Variants in SPTA1 observed in about 807,000 individuals in gnomAD.
The protein encoded by SPTA1 is spectrin alpha, erythrocytic 1.
Under a neutral mutation model 324.7 loss-of-function variants are expected in SPTA1, and 177 were observed. The ratio of observed to expected loss-of-function variants is 0.55; its 90% CI spans 0.48 to 0.62. SPTA1 has a LOEUF of 0.62. Among genes scored for constraint, SPTA1 ranks in the 20% least tolerant of loss-of-function variants. The pLI is 0.00. For synonymous variants in SPTA1, 1,195 were observed against 1,041.3 expected (o/e 1.15, Z -2.84); for missense variants, 3,162 against 2,883.6 (o/e 1.10, Z -2.21).
intron 39 of SPTA1, among the ~76,000 whole-genome samples, chr1:158,632,397 T>C (rs1650741713): frequency 6.6e-6 from 1 of 152,204 alleles, no homozygotes; most frequent in African/African-American, 2.4e-5. Flanking sequence ...AACAATAATA[T>C]GTTATACACG....
intron 48 of SPTA1, 193 bp downstream of exon 48, chr1:158,615,023 A>T: frequency 1.6e-6 from 1 of 631,622 alleles, no homozygotes; most frequent in Non-Finnish European, 2.7e-6. Context: ...GTGGATGGAG[A>T]GCACTGTCTT....
intron 9 of SPTA1, 51 bp from the exon 10 acceptor site, chr1:158,674,481 T>G (rs753493375): frequency 5.2e-5 from 84 of 1,613,980 alleles, no homozygotes; most frequent in Non-Finnish European, 6.8e-5. Context: ...ACCTGGCATT[T>G]CTGGCATTCA....
At position 158,615,277 on chromosome 1, in the gene SPTA1, C is replaced by T. The variant is rs181147022; in HGVS notation, c.6727G>A (p.Asp2243Asn). Residue 2243 changes from aspartate (D) to asparagine (N), a missense_variant, in exon 48 of 52, where the codon GAC becomes AAC. Asp to Asn is a conservative substitution (Grantham distance 23). Coordinates refer to ENST00000643759, the MANE Select transcript of SPTA1 (RefSeq NM_003126.4). ...YSTIGLAQQW[D>N]QLYQLGLRMQ... ...CGCAACCCAAGCTGGTAGAGCTGGT[C>T]CCACTGCTGAGCCAATCCAATGGTG... 2 of 1,613,956 alleles carry T rather than the reference C, an allele frequency of 1.2e-6. No individual in the cohort carries two copies. Among genetic ancestry groups the T allele is most frequent in the East Asian group, 2.2e-5 (1 of 44,882 alleles).
At chr1:158,635,198 G>T (rs1280793961) in intron 38 of SPTA1, among the ~76,000 whole-genome samples, 1 of 152,118 alleles carries the variant, frequency 6.6e-6, no homozygotes, top group African/African-American at 2.4e-5. Flanking sequence ...ATGTATCAGG[G>T]GAGGGGCCTG....
At position 158,612,859 on chromosome 1, in the gene SPTA1, C is replaced by A; in HGVS notation, c.7092G>T (p.Leu2364=). 2 of 1,613,930 alleles carry A rather than the reference C, an allele frequency of 1.2e-6. No homozygotes were observed. Among genetic ancestry groups the A allele is most frequent in the Non-Finnish European group, 1.7e-6 (2 of 1,179,890 alleles). Residue 2364 remains leucine, a synonymous_variant, in exon 51 of 52, where the codon CTG becomes CTT. Transcript: ENST00000643759. ...TGGTAATATATGACTTGCCCTCTGCCAGGGCTTGGAAGGCATTCTCTATTT... is the reference window on the plus strand; with the variant it reads ...TGGTAATATATGACTTGCCCTCTGCAAGGGCTTGGAAGGCATTCTCTATTT... ...SDEIENAFQA[L]AEGKSYITKE... is the part of the protein sequence containing the mutation.
rs1234264908 is a variant in SPTA1, at chr1:158,635,946, T to C, written c.5399A>G (p.His1800Arg). 7 of 1,614,176 alleles carry C rather than the reference T, an allele frequency of 4.3e-6. No individual in the cohort carries two copies. Among genetic ancestry groups the C allele is most frequent in the Non-Finnish European group, 5.1e-6 (6 of 1,180,038 alleles). Residue 1800 changes from histidine to arginine, a missense_variant, in exon 38 of 52, where the codon CAC (histidine) becomes CGC (arginine). Coordinates refer to ENST00000643759, the MANE Select transcript of SPTA1 (RefSeq NM_003126.4). ...IQLRLAQFVE[H>R]WEKLKELAKA... ...GGCCAACTCTTTGAGCTTCTCCCAGTGTTCAACAAACTGAGCCAGCCGCAA... is the reference window on the plus strand; with the variant it reads ...GGCCAACTCTTTGAGCTTCTCCCAGCGTTCAACAAACTGAGCCAGCCGCAA...
chr1:158,621,529 A>G lies in SPTA1; in HGVS notation c.6121-1063T>C, dbSNP rs11806936. The stretch of plus-strand genomic sequence containing the variant: ...TTTTCATAATGTTATAGATTGAGTG[A>G]ATATTTTATAAATATCTTGTAATCA... On this transcript the variant is annotated intron_variant, in intron 43 of 51. Coordinates refer to ENST00000643759, the MANE Select transcript of SPTA1 (RefSeq NM_003126.4). 9.2e-3 allele frequency among the ~76,000 whole-genome samples: 1,396 copies of G among 152,354 alleles called. 19 individuals carry two copies. The highest frequency in any genetic ancestry group is 0.032 in the African/African-American group (1,319 of 41,582).
Position 158,657,465 on chromosome 1 carries a change from C to G in SPTA1, c.2805+12G>C. On this transcript the variant is annotated intron_variant, in intron 19 of 51. Coordinates refer to ENST00000643759, the MANE Select transcript of SPTA1 (RefSeq NM_003126.4). ...TTGAGGATTCACAATGTTAAACCCACCCCCACCTTACCCCAGCTGCTTCTT... is the reference window on the plus strand; with the variant it reads ...TTGAGGATTCACAATGTTAAACCCAGCCCCACCTTACCCCAGCTGCTTCTT... The G allele has an allele frequency of 3.4e-6, 5 of 1,469,372 alleles. No individual in the cohort carries two copies. The highest frequency in any genetic ancestry group is 4.8e-6 in the Non-Finnish European group (5 of 1,051,096). 91.0% of individuals were successfully genotyped at this position (1,469,372 alleles called of 1,614,324 possible). A position where few individuals can be genotyped will look rare whatever the true frequency, so the allele number is the denominator to read the frequency against.
rs531691092 is a variant in SPTA1 at position 158,677,618 on chromosome 1, G to T, written c.957+72C>A. The T allele has an allele frequency of 9.6e-5, 151 of 1,581,046 alleles. No homozygotes were observed. In the African/African-American group the frequency reaches 1.7e-3, roughly 18 times the overall value. On this transcript the variant is annotated intron_variant, in intron 7 of 51. Transcript: ENST00000643759. ...ACTTATTGTGCTCTCTGGAGGCACG[G>T]TAATAGGCAAGATAATCAACAATTG...
Position 158,651,298 on chromosome 1 carries a change from G to T in SPTA1, c.3477+69C>A, listed in dbSNP as rs1321531104. 4.1e-6 allele frequency: 4 copies of T among 971,406 alleles called. No homozygotes were observed. In the Admixed American group the frequency reaches 5.1e-5, roughly 12 times the overall value. The allele number at this position is 971,406 out of a possible 1,614,324, so 60.2% of individuals were successfully genotyped here. A position where few individuals can be genotyped will look rare whatever the true frequency, so the allele number is the denominator to read the frequency against. ...GGGTCTGCAGAATATAAAGTTCCATGTTGAAGTGAAATGAGGACTCCCAAA... is the reference window on the plus strand; with the variant it reads ...GGGTCTGCAGAATATAAAGTTCCATTTTGAAGTGAAATGAGGACTCCCAAA... On this transcript the variant is annotated intron_variant, in intron 24 of 51. Coordinates refer to ENST00000643759, the MANE Select transcript of SPTA1 (RefSeq NM_003126.4).
At chr1:158,617,173 T>G (rs1649609088) in intron 47 of SPTA1, among the ~76,000 whole-genome samples, 1 of 152,220 alleles carries the variant, frequency 6.6e-6, no homozygotes, top group Non-Finnish European at 1.5e-5. Context: ...TGGGCACTTT[T>G]ACATTTGCTC....
rs1340100121 is a variant in SPTA1 at position 158,626,137 on chromosome 1, C to T, written c.5910+9G>A. ...GGTCTTGGGCTTACCTAACATCTAT[C>T]AATCTCACCTGTTTTGCCAGAAGAG... On this transcript the variant is annotated intron_variant, in intron 42 of 51. Coordinates refer to ENST00000643759, the MANE Select transcript of SPTA1 (RefSeq NM_003126.4). The T allele has an allele frequency of 8.7e-6, 14 of 1,613,000 alleles. 1 individual carries two copies. Among genetic ancestry groups the T allele is most frequent in the Non-Finnish European group, 1.2e-5 (14 of 1,179,044 alleles).
intron 5 of SPTA1, among the ~76,000 whole-genome samples, chr1:158,678,850 T>C (rs1254234683): frequency 1.3e-5 from 2 of 152,148 alleles, no homozygotes; most frequent in African/African-American, 4.8e-5. Context: ...CTTGAAATCC[T>C]GGAAACCAAG....
At position 158,669,441 on chromosome 1, in the gene SPTA1, CT is replaced by C; in HGVS notation, c.1799del (p.Lys600ArgfsTer17). 6.2e-7 allele frequency: 1 copy of C among 1,614,138 alleles called. No individual in the cohort carries two copies. The highest frequency in any genetic ancestry group is 8.5e-7 in the Non-Finnish European group (1 of 1,179,996). The stretch of plus-strand genomic sequence containing the variant: ...CTTCATCATCTGCCAACTTTTTCTT[CT>C]TGTTGATCCAGTTCTTTAGGTCATC... ...DSDDLKNWINKKKKLADDEDY... is the reference protein window; with the variant it reads ...DSDDLKNWINXKKKLADDEDY... On this transcript the variant is annotated frameshift_variant, in exon 14 of 52. Transcript: ENST00000643759. LOFTEE classifies it high-confidence loss of function.
chr1:158,677,669 A>G (rs765703402), intron 7 of SPTA1, 21 bp downstream of exon 7: 5 of 1,612,608 alleles, frequency 3.1e-6, no homozygotes, highest in Non-Finnish European at 4.2e-6. Flanking sequence ...CGGGTTAGCC[A>G]TTTCTCTAAC....
chr1:158,675,685 A>G (rs1451395242), intron 8 of SPTA1, among the ~76,000 whole-genome samples: 5 of 152,220 alleles, frequency 3.3e-5, no homozygotes, highest in Non-Finnish European at 7.3e-5. Context: ...AATAAGAATT[A>G]TTTAAACATA....
At chr1:158,658,779 G>T (rs74911216) in intron 18 of SPTA1, among the ~76,000 whole-genome samples, 3,891 of 152,154 alleles carry the variant, frequency 0.026, 170 homozygotes, top group African/African-American at 0.088. Flanking sequence ...ATACAGAGGA[G>T]CAAAGATCAT....
chr1:158,626,092 A>G, intron 42 of SPTA1, 54 bp downstream of exon 42: 2 of 1,490,904 alleles, frequency 1.3e-6, no homozygotes, highest in Non-Finnish European at 1.9e-6. Context: ...ATCATGGAGG[A>G]TGAGCTTCTG....
intron 43 of SPTA1, among the ~76,000 whole-genome samples, chr1:158,621,838 C>A (rs1649928450): frequency 6.6e-6 from 1 of 152,144 alleles, no homozygotes; most frequent in South Asian, 2.1e-4. Flanking sequence ...TAGGAGTGCT[C>A]AGTAATTCCA....
Sources: allele counts gnomAD v4.1 joint callset (sites outside exome capture counted in the v4.1 genomes callset), GRCh38; gene constraint gnomAD v4.1.1; transcripts MANE v1.5; gene names NCBI Gene and HGNC (gene_info 2026-07-23, HGNC 2026-07-21).